The following KIRREL1 variants were observed in gnomAD, a reference collection of about 807,000 sequenced individuals.
KIRREL1 encodes kin of IRRE-like protein 1.
Under a neutral mutation model 83.3 loss-of-function variants are expected in KIRREL1, and 25 were observed. The observed-to-expected ratio is 0.30, with a 90% confidence interval of 0.22 to 0.42. The LOEUF (loss-of-function observed/expected upper bound fraction) is 0.42. Ranked by LOEUF, KIRREL1 falls within the 10% of genes least tolerant of loss-of-function variation. The pLI, the probability that KIRREL1 is intolerant of heterozygous loss-of-function variation, is 1.00. For missense variants in KIRREL1, 812 were observed against 1,032.3 expected (o/e 0.79, Z 2.92); for synonymous variants, 388 against 410.4 (o/e 0.95, Z 0.66).
At chr1:158,045,094 G>A (rs939218753) in intron 1 of KIRREL1, among the ~76,000 whole-genome samples, 2 of 152,184 alleles carry the variant, frequency 1.3e-5, no homozygotes, top group African/African-American at 4.8e-5. Flanking sequence ...AGAGGCAGAG[G>A]TCCTGAGGGG....
At chr1:158,003,305 A>T (rs1659419285) in intron 1 of KIRREL1, among the ~76,000 whole-genome samples, 1 of 152,176 alleles carries the variant, frequency 6.6e-6, no homozygotes, top group South Asian at 2.1e-4. Flanking sequence ...AAAGGAGCAG[A>T]AACCCAAGGC....
chr1:158,029,984 T>C (rs1271640917), intron 1 of KIRREL1, among the ~76,000 whole-genome samples: 1 of 152,268 alleles, frequency 6.6e-6, no homozygotes, highest in East Asian at 1.9e-4. Flanking sequence ...CCCATCATTA[T>C]CTTCTAGCTA....
intron 8 of KIRREL1, 94 bp downstream of exon 8, chr1:158,088,548 G>T (rs537799562): frequency 0.032 from 35,187 of 1,100,556 alleles, 763 homozygotes; most frequent in Middle Eastern, 0.059. Context: ...GCAGTGGCGC[G>T]ATCTCGGCTC....
chr1:158,089,998 T>C (rs972501773), intron 10 of KIRREL1, among the ~76,000 whole-genome samples, 180 bp downstream of exon 10: 1 of 152,096 alleles, frequency 6.6e-6, no homozygotes, highest in Admixed American at 6.5e-5. Flanking sequence ...CTCCCTTACT[T>C]GTTATGTGTC....
chr1:158,037,354 G>A (rs909135709), intron 1 of KIRREL1, among the ~76,000 whole-genome samples: 7 of 152,050 alleles, frequency 4.6e-5, no homozygotes, highest in African/African-American at 7.2e-5. Context: ...TTAGCTGGGC[G>A]TGGTGGCACA....
chr1:158,003,454 T>A (rs568986797), intron 1 of KIRREL1, among the ~76,000 whole-genome samples: 1 of 152,278 alleles, frequency 6.6e-6, no homozygotes, highest in East Asian at 1.9e-4. Context: ...GACTTGCTCC[T>A]CTTTGTCTCA....
chr1:158,083,187 T>C (rs1002919541), intron 3 of KIRREL1, among the ~76,000 whole-genome samples: 28 of 152,342 alleles, frequency 1.8e-4, no homozygotes, highest in African/African-American at 6.5e-4. Flanking sequence ...CTTTAAACAT[T>C]TAGCAAGAGC....
chr1:158,072,460 G>A (rs1661542765), intron 1 of KIRREL1, among the ~76,000 whole-genome samples: 1 of 152,176 alleles, frequency 6.6e-6, no homozygotes, highest in Non-Finnish European at 1.5e-5. Context: ...TAACAGCAGG[G>A]ATGGGGTGGC....
In KIRREL1 at chr1:158,094,445, G is replaced by C; in HGVS notation, c.1797+55G>C. 6.4e-7 allele frequency: 1 copy of C among 1,557,556 alleles called. No individual in the cohort carries two copies. Among genetic ancestry groups the C allele is most frequent in the South Asian group, 1.1e-5 (1 of 88,536 alleles). ...AGGGCTGGTGGGCCAGTGGGTTTCT[G>C]AGGTCCTGTAGCGGGGAGGTGAGGT... On this transcript the variant is annotated intron_variant, in intron 14 of 14. Coordinates refer to ENST00000359209, the MANE Select transcript of KIRREL1 (RefSeq NM_018240.7). This position sits in a 1 kb window ranked among gnomAD's most constrained non-coding sequence, Gnocchi z 4.6.
intron 1 of KIRREL1, among the ~76,000 whole-genome samples, chr1:158,048,084 G>A (rs564067973): frequency 6.3e-4 from 96 of 152,224 alleles, no homozygotes; most frequent in African/African-American, 2.2e-3. Context: ...GGACCTCATC[G>A]TGGTCTAAAA....
At chr1:158,081,888 T>C (rs1661870276) in intron 3 of KIRREL1, among the ~76,000 whole-genome samples, 1 of 152,154 alleles carries the variant, frequency 6.6e-6, no homozygotes, top group African/African-American at 2.4e-5. Context: ...GCGGAGGGGC[T>C]TCACACACCC....
chr1:158,036,469 T>C (rs1660478637), intron 1 of KIRREL1, among the ~76,000 whole-genome samples: 1 of 152,186 alleles, frequency 6.6e-6, no homozygotes, highest in South Asian at 2.1e-4. Context: ...GTCCACTATG[T>C]AACCTGTATT....
intron 1 of KIRREL1, among the ~76,000 whole-genome samples, chr1:158,005,708 T>C (rs1360473779): frequency 6.6e-6 from 1 of 152,138 alleles, no homozygotes; most frequent in East Asian, 1.9e-4. Context: ...AGGTAGGTCA[T>C]AGACTTAATT....
intron 1 of KIRREL1, among the ~76,000 whole-genome samples, chr1:158,013,188 G>T (rs574462203): frequency 1.3e-5 from 2 of 152,198 alleles, no homozygotes; most frequent in African/African-American, 4.8e-5. Flanking sequence ...AGAGAGAGAG[G>T]TTTATGTTGT....
At chr1:158,077,861 G>C in intron 2 of KIRREL1, 130 bp from the exon 3 acceptor site, 3 of 1,042,906 alleles carry the variant, frequency 2.9e-6, no homozygotes, top group Non-Finnish European at 4.3e-6. Flanking sequence ...TCAGGTGTCT[G>C]TGTCTGGGGC....
chr1:158,031,326 AAC>A (rs1660319278), intron 1 of KIRREL1, among the ~76,000 whole-genome samples: 2 of 151,860 alleles, frequency 1.3e-5, no homozygotes, highest in Non-Finnish European at 2.9e-5. Flanking sequence ...CCCTCCACTA[AAC>A]ACACACACGC....
At position 158,089,776 on chromosome 1, in the gene KIRREL1, G is replaced by A. The variant is rs1326643269; in HGVS notation, c.1230G>A (p.Lys410=). Residue 410 remains lysine, a synonymous_variant, in exon 10 of 15, where the codon AAG becomes AAA. Coordinates refer to ENST00000359209, the MANE Select transcript of KIRREL1 (RefSeq NM_018240.7). ...ATGCTGTGAGGGGTGACGGTGGCAA[G>A]GTGGAGTGTTTCATTGGGAGCACAC... ...VQYAVRGDGG[K]VECFIGSTPP... The A allele has an allele frequency of 6.2e-7, 1 of 1,614,174 alleles. No individual in the cohort carries two copies.
chr1:158,076,562 TGCA>T (rs1258914535), intron 2 of KIRREL1, among the ~76,000 whole-genome samples: 2 of 152,186 alleles, frequency 1.3e-5, no homozygotes, highest in Non-Finnish European at 2.9e-5. Flanking sequence ...TGAGGGGAGC[TGCA>T]GGCAGACAGC....
Position 158,096,332 on chromosome 1 carries a change from C to T in KIRREL1, c.*1212C>T, listed in dbSNP as rs905320411. ...CATCAGTTGGTTGGAGGCCACCTTC[C>T]AGGGGGTATGGGAGACAGGTTTTGG... On this transcript the variant is annotated 3_prime_UTR_variant, in exon 15 of 15. Coordinates refer to ENST00000359209, the MANE Select transcript of KIRREL1 (RefSeq NM_018240.7). 2 of 348,696 alleles carry T rather than the reference C, an allele frequency of 5.7e-6. No individual in the cohort carries two copies. The highest frequency in any genetic ancestry group is 1.1e-5 in the Non-Finnish European group (2 of 178,306). 21.6% of individuals were successfully genotyped at this position (348,696 alleles called of 1,614,324 possible).
Sources: gnomAD v4.1 joint callset for allele counts (sites outside exome capture counted in the v4.1 genomes callset) on GRCh38, gnomAD v4.1.1 for gene constraint, Gnocchi (gnomAD v3.1) non-coding constraint, MANE v1.5 for transcripts, NCBI Gene and HGNC (gene_info 2026-07-23, HGNC 2026-07-21) for gene names.